SLC12A7: variants seen among roughly 807,000 people sequenced by gnomAD.
SLC12A7 encodes solute carrier family 12 member 7, also known as K-Cl cotransporter 4.
In SLC12A7, 100 loss-of-function variants were observed where a neutral mutation model predicts 120.6. The ratio of observed to expected loss-of-function variants is 0.83; its 90% confidence interval spans 0.71 to 0.98. The LOEUF is 0.98. Ranked by LOEUF, SLC12A7 falls within the 50% of genes least tolerant of loss-of-function variation. SLC12A7 has a pLI of 0.00. For synonymous variants in SLC12A7, 760 were observed against 678.0 expected (o/e 1.12, Z -1.88); for missense variants, 1,373 against 1,548.1 (o/e 0.89, Z 1.90).
Position 1,101,778 on chromosome 5 carries a change from G to A in SLC12A7, c.125-7530C>T, listed in dbSNP as rs1359473910. Among the ~76,000 whole-genome samples, 7 of 147,448 alleles carry A rather than the reference G, an allele frequency of 4.7e-5. No individual in the cohort carries two copies. The East Asian group carries it at 6.0e-4, about 13-fold the overall frequency. ...GGCACACAGTGGCCACCACTGCCCC[G>A]ACCCCCCTCCACCCCCCGACACTAA... On this transcript the variant is annotated intron_variant, in intron 1 of 23. Coordinates refer to ENST00000264930, the MANE Select transcript of SLC12A7 (RefSeq NM_006598.3).
chr5:1,064,410 CAG>C (rs1736694886), intron 18 of SLC12A7, among the ~76,000 whole-genome samples, 158 bp from the exon 19 acceptor site: 1 of 152,230 alleles, frequency 6.6e-6, no homozygotes, highest in Non-Finnish European at 1.5e-5. Context: ...AAGGACCAGC[CAG>C]AGACTCACAG....
At chr5:1,132,565 C>T in the SLC12A7 span, among the ~76,000 whole-genome samples, 2 of 152,132 alleles carry the variant, frequency 1.3e-5, 1 homozygote, top group African/African-American at 4.8e-5. Context: ...GAACTAACAC[C>T]CGGGCTGTTT....
At chr5:1,099,176 C>G (rs989184421) in intron 1 of SLC12A7, among the ~76,000 whole-genome samples, 41 of 152,312 alleles carry the variant, frequency 2.7e-4, no homozygotes, top group African/African-American at 9.6e-4. Context: ...GCCCAACAAC[C>G]CAGATCAGGT....
chr5:1,145,940 G>A, the SLC12A7 span, among the ~76,000 whole-genome samples: 1 of 152,158 alleles, frequency 6.6e-6, no homozygotes, highest in African/African-American at 2.4e-5. This position sits in a 1 kb window ranked among gnomAD's most constrained non-coding sequence, Gnocchi z 4.4. Context: ...TCACAATGCT[G>A]TAAAACCATC....
At chr5:1,143,859 G>A in the SLC12A7 span, among the ~76,000 whole-genome samples, 16 of 151,790 alleles carry the variant, frequency 1.1e-4, no homozygotes, top group Admixed American at 9.8e-4. Context: ...GCACCCTGGC[G>A]CTTGGCACCC....
chr5:1,101,475 C>T (rs1450702955), intron 1 of SLC12A7, among the ~76,000 whole-genome samples: 1 of 152,126 alleles, frequency 6.6e-6, no homozygotes, highest in Non-Finnish European at 1.5e-5. Context: ...GGAGCCCTCC[C>T]AATAGCCAGC....
At chr5:1,085,582 G>A (rs948249537) in intron 6 of SLC12A7, 109 bp from the exon 7 acceptor site, 21 of 1,420,110 alleles carry the variant, frequency 1.5e-5, no homozygotes, top group Middle Eastern at 4.6e-4. Flanking sequence ...AACAGGTGCC[G>A]GGGCCATCGG....
At chr5:1,087,076 G>A (rs1442769543) in intron 5 of SLC12A7, 43 bp from the exon 6 acceptor site, 2 of 1,576,424 alleles carry the variant, frequency 1.3e-6, no homozygotes, top group Admixed American at 1.8e-5. Context: ...GGGCGCACTT[G>A]GACTCGGACC....
the SLC12A7 span, among the ~76,000 whole-genome samples, chr5:1,151,082 T>G: frequency 2.0e-5 from 3 of 152,242 alleles, no homozygotes; most frequent in African/African-American, 7.2e-5. The surrounding 1 kb of genome is among the most constrained non-coding windows in gnomAD (Gnocchi z 6.2). Flanking sequence ...GCCTCACTGC[T>G]GTGCCAGCAG....
rs1022287707 is a variant in SLC12A7 at position 1,077,683 on chromosome 5, G to A, written c.1629+150C>T. 6 of 807,578 alleles carry A rather than the reference G, an allele frequency of 7.4e-6. No individual in the cohort carries two copies. In the Admixed American group the frequency reaches 2.0e-4, roughly 27 times the overall value. 50.0% of individuals were successfully genotyped at this position (807,578 alleles called of 1,614,324 possible). On this transcript the variant is annotated intron_variant, in intron 12 of 23. Transcript: ENST00000264930. ...ACCACCCACCTCCCACCACTCCCAT[G>A]CTCTGTGCAGTGGCCAGGGGCAGAA...
the SLC12A7 span, among the ~76,000 whole-genome samples, chr5:1,129,433 G>C: frequency 6.6e-6 from 1 of 152,316 alleles, no homozygotes; most frequent in African/African-American, 2.4e-5. Context: ...ACAAGGGCCA[G>C]AGAAAGTTCC....
At chr5:1,149,945 G>A in the SLC12A7 span, among the ~76,000 whole-genome samples, 19 of 152,052 alleles carry the variant, frequency 1.2e-4, no homozygotes, top group South Asian at 8.3e-4. Context: ...CAGGAGAATC[G>A]CTTGAATCTG....
In SLC12A7 at chr5:1,077,890, CG is replaced by C; in HGVS notation, c.1571del (p.Thr524ArgfsTer37). 6.3e-7 allele frequency: 1 copy of C among 1,598,808 alleles called. No individual in the cohort carries two copies. Among genetic ancestry groups the C allele is most frequent in the Non-Finnish European group, 8.5e-7 (1 of 1,173,548 alleles). Reference protein sequence around the residue: ...STCGAGLQSLTGAPRLLQAIA... With the variant: ...STCGAGLQSLXGAPRLLQAIA... ...TGGCCTGCAGTAGGCGCGGTGCCCCCGTGAGGCTCTGCAGGCCGGCACCGCA... is the reference window on the plus strand; with the variant it reads ...TGGCCTGCAGTAGGCGCGGTGCCCCCTGAGGCTCTGCAGGCCGGCACCGCA... On this transcript the variant is annotated frameshift_variant, in exon 12 of 24. Transcript: ENST00000264930. LOFTEE classifies it high-confidence loss of function.
At chr5:1,059,998 G>T (rs887548458) in intron 21 of SLC12A7, among the ~76,000 whole-genome samples, 2 of 152,254 alleles carry the variant, frequency 1.3e-5, no homozygotes, top group African/African-American at 4.8e-5. Flanking sequence ...CTTGGGGAGG[G>T]TCCCCATGTC....
chr5:1,112,093 G>A (rs1743069942), upstream of SLC12A7: 9 of 1,139,294 alleles, frequency 7.9e-6, no homozygotes, highest in Non-Finnish European at 9.8e-6. Context: ...CGACCGAGCC[G>A]CCCCGCCCCG....
chr5:1,081,470 C>G, intron 9 of SLC12A7, 107 bp downstream of exon 9: 2 of 1,188,086 alleles, frequency 1.7e-6, no homozygotes, highest in Non-Finnish European at 2.4e-6. Flanking sequence ...TGCAGTGAGC[C>G]GTGATCACAC....
the SLC12A7 span, among the ~76,000 whole-genome samples, chr5:1,138,364 T>G: frequency 6.6e-6 from 1 of 152,212 alleles, no homozygotes; most frequent in Non-Finnish European, 1.5e-5. Context: ...TACAGAGTGC[T>G]GATTGCTCCA....
chr5:1,133,208 A>G, the SLC12A7 span, among the ~76,000 whole-genome samples: 1 of 152,090 alleles, frequency 6.6e-6, no homozygotes, highest in Non-Finnish European at 1.5e-5. Flanking sequence ...GAGCCACCGC[A>G]CCCAGCTGCT....
chr5:1,068,792 C>A (rs1579342410), intron 17 of SLC12A7, among the ~76,000 whole-genome samples: 1 of 152,280 alleles, frequency 6.6e-6, no homozygotes, highest in South Asian at 2.1e-4. Flanking sequence ...CAGCTCTTCC[C>A]ATGGCCGTGA....
Sources: allele counts gnomAD v4.1 joint callset (sites outside exome capture counted in the v4.1 genomes callset), GRCh38; gene constraint gnomAD v4.1.1; non-coding constraint Gnocchi (gnomAD v3.1); transcripts MANE v1.5; gene names NCBI Gene and HGNC (gene_info 2026-07-23, HGNC 2026-07-21).